STK3: variants seen among roughly 807,000 people sequenced by gnomAD.
STK3 encodes the protein serine/threonine kinase 3.
Under a neutral mutation model 58.0 loss-of-function variants are expected in STK3, and 41 were observed. The observed-to-expected ratio is 0.71, with a 90% CI of 0.55 to 0.92. The LOEUF (loss-of-function observed/expected upper bound fraction) is 0.92, where lower values mean the gene tolerates loss of function less well. Ranked by LOEUF, STK3 falls within the 40% of genes least tolerant of loss-of-function variation. The probability of loss-of-function intolerance (pLI) is 0.00; values close to 1 mark genes in which losing one functional copy is unlikely to be tolerated. For missense variants in STK3, 479 were observed against 602.7 expected (o/e 0.79, Z 2.15); for synonymous variants, 170 against 191.0 (o/e 0.89, Z 0.91).
chr8:98,489,446 A>G (rs1398476308), intron 10 of STK3, among the ~76,000 whole-genome samples: 2 of 152,136 alleles, frequency 1.3e-5, no homozygotes, highest in African/African-American at 4.8e-5. Context: ...TTTAGTTACT[A>G]TTTTTGTTGT....
intron 1 of STK3, among the ~76,000 whole-genome samples, chr8:98,439,532 C>T (rs533765881): frequency 2.3e-4 from 35 of 152,094 alleles, no homozygotes; most frequent in Admixed American, 4.6e-4. Context: ...GACTAATGCA[C>T]GAACCAGTTC....
chr8:98,421,500 G>A (rs114350160), intron 3 of STK3, among the ~76,000 whole-genome samples: 3,094 of 152,312 alleles, frequency 0.02, 95 homozygotes, highest in African/African-American at 0.071. Flanking sequence ...TGGGCCAGGT[G>A]CAGTGGCTCA....
intron 6 of STK3, among the ~76,000 whole-genome samples, chr8:98,655,158 C>G: frequency 6.6e-6 from 1 of 151,952 alleles, no homozygotes; most frequent in Non-Finnish European, 1.5e-5. Context: ...TGGAACAGAA[C>G]AGAGCCCTCA....
chr8:98,899,757 T>C (rs1020775035), intron 1 of STK3, among the ~76,000 whole-genome samples: 10 of 152,164 alleles, frequency 6.6e-5, no homozygotes, highest in African/African-American at 2.4e-4. Flanking sequence ...TAAAAATTAT[T>C]GGGTCTCTGA....
chr8:98,842,201 C>A (rs1226729656), intron 3 of STK3, among the ~76,000 whole-genome samples: 1 of 152,022 alleles, frequency 6.6e-6, no homozygotes, highest in Non-Finnish European at 1.5e-5. Context: ...TTTAAATTCT[C>A]CTTGAATTAA....
chr8:98,517,683 T>C (rs537092296), intron 10 of STK3, among the ~76,000 whole-genome samples: 1 of 152,242 alleles, frequency 6.6e-6, no homozygotes, highest in African/African-American at 2.4e-5. Flanking sequence ...CAACCTGATA[T>C]ATGCATTACT....
At chr8:98,922,550 C>G (rs772372276) in intron 1 of STK3, among the ~76,000 whole-genome samples, 1 of 152,190 alleles carries the variant, frequency 6.6e-6, no homozygotes. Context: ...TCCTGCACAC[C>G]TAGCTCAGAA....
At chr8:98,850,969 C>A (rs980895569) in intron 3 of STK3, among the ~76,000 whole-genome samples, 36 of 152,110 alleles carry the variant, frequency 2.4e-4, no homozygotes, top group African/African-American at 8.7e-4. Flanking sequence ...AGGTGTGTAA[C>A]CTTCACATGC....
At chr8:98,571,100 C>T (rs937385388) in intron 8 of STK3, among the ~76,000 whole-genome samples, 2 of 152,222 alleles carry the variant, frequency 1.3e-5, no homozygotes, top group Admixed American at 6.5e-5. Context: ...GAGGCCAAGG[C>T]GGGTGGATCA....
At chr8:98,377,649 T>C (rs551258847) in intron 2 of STK3, among the ~76,000 whole-genome samples, 73 of 152,032 alleles carry the variant, frequency 4.8e-4, no homozygotes, top group Non-Finnish European at 8.8e-4. Flanking sequence ...CTGGAAAAAG[T>C]AATTTGGGGC....
At chr8:98,693,314 C>G (rs1357289338) in intron 6 of STK3, among the ~76,000 whole-genome samples, 2 of 152,208 alleles carry the variant, frequency 1.3e-5, no homozygotes, top group East Asian at 3.9e-4. Flanking sequence ...GGGAGGATTG[C>G]TTGAGCCCAG....
At chr8:98,686,481 A>G (rs1174915204) in intron 6 of STK3, among the ~76,000 whole-genome samples, 1 of 152,228 alleles carries the variant, frequency 6.6e-6, no homozygotes, top group African/African-American at 2.4e-5. Flanking sequence ...ACACATTTAC[A>G]TGGCAGAAAA....
chr8:98,725,814 T>G (rs1485911140), intron 4 of STK3, among the ~76,000 whole-genome samples: 1 of 152,212 alleles, frequency 6.6e-6, no homozygotes, highest in Non-Finnish European at 1.5e-5. Context: ...TACAGAGTCC[T>G]CTGACACTTA....
chr8:98,518,328 C>A (rs1483156087), intron 10 of STK3, among the ~76,000 whole-genome samples: 1 of 152,024 alleles, frequency 6.6e-6, no homozygotes, highest in Admixed American at 6.6e-5. Flanking sequence ...TGCCTAGACA[C>A]AACCACCAAA....
chr8:98,437,827 T>C (rs1363683974), intron 1 of STK3: 1 of 152,180 alleles, frequency 6.6e-6, no homozygotes, highest in Admixed American at 6.5e-5. Context: ...TCTGCATTTC[T>C]TTTTGTGGGA....
upstream of STK3, among the ~76,000 whole-genome samples, chr8:98,827,944 A>AC (rs1224804641): frequency 1.4e-5 from 2 of 147,052 alleles, no homozygotes; most frequent in South Asian, 2.1e-4. Context: ...CTCCACTCTA[A>AC]CCCCCCCAAC....
Position 98,576,926 on chromosome 8 carries a change from C to T in STK3, c.948+2738G>A, listed in dbSNP as rs1306940053. Among the ~76,000 whole-genome samples the T allele has an allele frequency of 3.9e-5, 6 of 152,108 alleles. 1 individual carries two copies. In the South Asian group the frequency reaches 6.2e-4, roughly 16 times the overall value. The stretch of plus-strand genomic sequence containing the variant: ...TTCAGAACAAGGATCTTATTGTCCC[C>T]GTCCTGGCACCAGTGAGCTACACCG... On this transcript the variant is annotated intron_variant, in intron 8 of 10. Coordinates refer to ENST00000419617, the MANE Select transcript of STK3 (RefSeq NM_006281.4).
At chr8:98,759,160 G>C (rs1317745612) in intron 3 of STK3, among the ~76,000 whole-genome samples, 1 of 152,202 alleles carries the variant, frequency 6.6e-6, no homozygotes, top group Non-Finnish European at 1.5e-5. Context: ...AAGAACCCTA[G>C]CTTTCAGCTT....
intron 6 of STK3, among the ~76,000 whole-genome samples, chr8:98,644,938 T>C (rs1587135445): frequency 6.6e-6 from 1 of 152,232 alleles, no homozygotes; most frequent in Non-Finnish European, 1.5e-5. Context: ...TCTGTTTACA[T>C]GTGTCTCTTT....
Sources: gnomAD v4.1 joint callset for allele counts (sites outside exome capture counted in the v4.1 genomes callset) on GRCh38, gnomAD v4.1.1 for gene constraint, MANE v1.5 for transcripts, NCBI Gene and HGNC (gene_info 2026-07-23, HGNC 2026-07-21) for gene names.